The following RFX6 variants were observed in gnomAD, a reference collection of about 807,000 sequenced individuals.
RFX6 encodes the protein DNA-binding protein RFX6.
A neutral mutation model predicts 110.8 loss-of-function variants in RFX6; 50 were observed. The ratio of observed to expected loss-of-function variants is 0.45; its 90% CI spans 0.36 to 0.57. RFX6 has a LOEUF of 0.57. RFX6 is among the 20% of genes least tolerant of loss of function. The probability of loss-of-function intolerance (pLI) is 0.00; values close to 1 mark genes in which losing one functional copy is unlikely to be tolerated. For missense variants in RFX6, 990 were observed against 1,127.0 expected (o/e 0.88, Z 1.74); for synonymous variants, 383 against 411.2 (o/e 0.93, Z 0.83).
At chr6:116,910,196 G>A (rs1435611154) in intron 6 of RFX6, among the ~76,000 whole-genome samples, 1 of 152,080 alleles carries the variant, frequency 6.6e-6, no homozygotes. Context: ...TGGGGAGGAG[G>A]AACAATCAGT....
At chr6:116,897,022 G>A (rs377760948) in intron 6 of RFX6, among the ~76,000 whole-genome samples, 28 of 152,250 alleles carry the variant, frequency 1.8e-4, no homozygotes, top group African/African-American at 6.3e-4. Context: ...AGTATAGCAG[G>A]AAAGCATATC....
intron 4 of RFX6, among the ~76,000 whole-genome samples, chr6:116,883,735 G>A (rs9489057): frequency 0.024 from 3,664 of 152,070 alleles, 141 homozygotes; most frequent in African/African-American, 0.084. Flanking sequence ...GGATAGCTCA[G>A]CTTTAGACAC....
chr6:116,900,657 C>T (rs1341458289), intron 6 of RFX6, among the ~76,000 whole-genome samples: 1 of 151,772 alleles, frequency 6.6e-6, no homozygotes, highest in Non-Finnish European at 1.5e-5. Flanking sequence ...AGGTAAATTT[C>T]ATAGTGAAAT....
chr6:116,904,064 AATGAC>A (rs1775141524), intron 6 of RFX6, among the ~76,000 whole-genome samples: 1 of 151,946 alleles, frequency 6.6e-6, no homozygotes, highest in African/African-American at 2.4e-5. Flanking sequence ...CTTGGTATTA[AATGAC>A]ATTTTAGTTT....
rs756030718 is a variant in RFX6, at chr6:116,927,050, G to A, written c.1909G>A (p.Ala637Thr). ...AGGTCAAATGGAGCTTTCACAGATT[G>A]CTGGTCATCTGATGACACCACCCAT... ...LTGQMELSQI[A>T]GHLMTPPISP... Residue 637 changes from alanine to threonine, a missense_variant, in exon 17 of 19, where the codon GCT becomes ACT. Ala to Thr is a moderately conservative substitution (Grantham distance 58). Around this residue, in one of 5 missense-constraint regions of RFX6, gnomAD observed 438 missense variants for 441.9 expected, o/e 0.99. Coordinates refer to ENST00000332958, the MANE Select transcript of RFX6 (RefSeq NM_173560.4). The A allele has an allele frequency of 6.2e-6, 10 of 1,613,940 alleles. No individual in the cohort carries two copies. The highest frequency in any genetic ancestry group is 8.5e-6 in the Non-Finnish European group (10 of 1,179,954).
rs754537915 is a variant in RFX6, at chr6:116,922,978, T to C, written c.1438-129T>C. On this transcript the variant is annotated intron_variant, in intron 13 of 18. Transcript: ENST00000332958. Reference sequence around the variant, plus strand: ...TAAATTCCCTGGACAGATAGTTTTATTTGATGAAATAAATGCCATGCCATC... The same window carrying C: ...TAAATTCCCTGGACAGATAGTTTTACTTGATGAAATAAATGCCATGCCATC... 4.1e-6 allele frequency: 3 copies of C among 738,478 alleles called. No homozygotes were observed. In the African/African-American group the frequency reaches 5.2e-5, roughly 13 times the overall value. 45.7% of individuals were successfully genotyped at this position (738,478 alleles called of 1,614,324 possible).
At chr6:116,899,854 C>G (rs1775028524) in intron 6 of RFX6, among the ~76,000 whole-genome samples, 1 of 152,080 alleles carries the variant, frequency 6.6e-6, no homozygotes, top group African/African-American at 2.4e-5. Context: ...TCAAAAGCAT[C>G]ATATGCAAAA....
At position 116,928,802 on chromosome 6, in the gene RFX6, C is replaced by G. The variant is rs149214653; in HGVS notation, c.2442C>G (p.Leu814=). The change falls in exon 18 of 19, where the codon CTC becomes CTG. Residue 814 remains leucine (L), a synonymous_variant. Transcript: ENST00000332958. The stretch of plus-strand genomic sequence containing the variant: ...TAAACTACCCAGAGTCTCACAGGCT[C>G]GGATCAATGGTGAATCAGCACGTTT... The part of the protein sequence containing the change: ...SNINYPESHR[L]GSMVNQHVSV... 12 of 1,613,832 alleles carry G rather than the reference C, an allele frequency of 7.4e-6. No homozygotes were observed. Among genetic ancestry groups the G allele is most frequent in the Non-Finnish European group, 1.0e-5 (12 of 1,179,860 alleles).
At chr6:116,886,773 A>G (rs1219132147) in intron 4 of RFX6, among the ~76,000 whole-genome samples, 2 of 151,896 alleles carry the variant, frequency 1.3e-5, no homozygotes, top group Admixed American at 1.3e-4. Flanking sequence ...TATTAAAACA[A>G]AAAAAAATAG....
At chr6:116,905,845 AT>A (rs910064525) in intron 6 of RFX6, among the ~76,000 whole-genome samples, 3 of 151,836 alleles carry the variant, frequency 2.0e-5, no homozygotes, top group Admixed American at 6.6e-5. Flanking sequence ...ATGAAGAACT[AT>A]TTTTTTTATG....
intron 6 of RFX6, among the ~76,000 whole-genome samples, chr6:116,897,016 T>C (rs1220551725): frequency 6.6e-6 from 1 of 152,166 alleles, no homozygotes; most frequent in Non-Finnish European, 1.5e-5. Context: ...CTTTACAGTA[T>C]AGCAGGAAAG....
At position 116,925,424 on chromosome 6, in the gene RFX6, A is replaced by C. The variant is rs927594821; in HGVS notation, c.1679-29A>C. 7 of 1,583,870 alleles carry C rather than the reference A, an allele frequency of 4.4e-6. No individual in the cohort carries two copies. In the African/African-American group the frequency reaches 9.4e-5, roughly 21 times the overall value. ...TACGAGGAATGTGAGAAAAAATCTC[A>C]AATTTCCCATTTTAAAAACTCTTTC... is the stretch of plus-strand genomic sequence containing the variant. On this transcript the variant is annotated intron_variant, in intron 15 of 18. Coordinates refer to ENST00000332958, the MANE Select transcript of RFX6 (RefSeq NM_173560.4).
chr6:116,912,672 T>A (rs569970682), intron 7 of RFX6, among the ~76,000 whole-genome samples: 1 of 152,232 alleles, frequency 6.6e-6, no homozygotes, highest in East Asian at 1.9e-4. Flanking sequence ...ATCATGAAGA[T>A]GTTTATGGTG....
intron 6 of RFX6, among the ~76,000 whole-genome samples, chr6:116,906,593 T>C (rs556271849): frequency 9.7e-4 from 147 of 152,270 alleles, no homozygotes; most frequent in South Asian, 1.7e-3. Context: ...TTAAATTAGT[T>C]TTTAAGTATT....
chr6:116,877,749 G>A (rs2114657585), intron 1 of RFX6, 47 bp from the exon 2 acceptor site: 1 of 1,574,666 alleles, frequency 6.4e-7, no homozygotes, highest in African/African-American at 1.4e-5. Context: ...CGACTTAGTT[G>A]ATTTTATATT....
At chr6:116,919,111 C>T in intron 10 of RFX6, 26 bp from the exon 11 acceptor site, 1 of 1,599,854 alleles carries the variant, frequency 6.3e-7, no homozygotes, top group East Asian at 2.2e-5. Flanking sequence ...AACAATGAAG[C>T]ATTTAACACA....
chr6:116,901,146 C>T (rs1469386856), intron 6 of RFX6, among the ~76,000 whole-genome samples: 2 of 152,086 alleles, frequency 1.3e-5, no homozygotes, highest in East Asian at 1.9e-4. Context: ...GTTCCAAGCA[C>T]GTTTAAGGTA....
rs768425558 is a variant in RFX6, at chr6:116,931,513, A to C, written c.*7A>C. ...AGCAGCTGGAGGCACTTAAACCACC[A>C]ATGTGGGAGGGGGTGCTAAAACTTT... On this transcript the variant is annotated 3_prime_UTR_variant, in exon 19 of 19. Transcript: ENST00000332958. 1.9e-6 allele frequency: 3 copies of C among 1,606,476 alleles called. No individual in the cohort carries two copies. The Admixed American group carries it at 5.0e-5, about 27-fold the overall frequency.
At chr6:116,891,150 G>A (rs1376057468) in intron 4 of RFX6, among the ~76,000 whole-genome samples, 1 of 152,190 alleles carries the variant, frequency 6.6e-6, no homozygotes, top group Non-Finnish European at 1.5e-5. Context: ...GACTATGGAG[G>A]AATTTGGAAA....
Sources: gnomAD v4.1 joint callset for allele counts (sites outside exome capture counted in the v4.1 genomes callset) on GRCh38, gnomAD v4.1.1 for gene constraint, gnomAD v4.1.1 regional missense constraint, MANE v1.5 for transcripts, NCBI Gene and HGNC (gene_info 2026-07-23, HGNC 2026-07-21) for gene names.